Variants in FGGY observed in about 807,000 individuals in gnomAD.
The protein encoded by FGGY is FGGY carbohydrate kinase domain containing.
Under a neutral mutation model 71.3 loss-of-function variants are expected in FGGY, and 72 were observed. The observed-to-expected ratio is 1.01, with a 90% confidence interval of 0.84 to 1.23. FGGY has a LOEUF of 1.23. FGGY is among the 50% of genes most tolerant of loss of function. The probability of loss-of-function intolerance (pLI) is 0.00; values close to 1 mark genes in which losing one functional copy is unlikely to be tolerated. For synonymous variants in FGGY, 251 were observed against 250.3 expected, an observed-to-expected ratio of 1.00 and a Z score of -0.02; for missense variants, 668 against 682.3, an observed-to-expected ratio of 0.98 and a Z score of 0.23.
intron 7 of FGGY, among the ~76,000 whole-genome samples, chr1:59,528,040 A>G (rs1203155202): frequency 6.6e-6 from 1 of 152,140 alleles, no homozygotes; most frequent in Non-Finnish European, 1.5e-5. Context: ...GGGCCTAAAT[A>G]TCTGCACTGT....
intron 8 of FGGY, among the ~76,000 whole-genome samples, chr1:59,606,494 G>T (rs2096624793): frequency 6.6e-6 from 1 of 152,124 alleles, no homozygotes; most frequent in Non-Finnish European, 1.5e-5. Flanking sequence ...AAAGTATTTT[G>T]ACCTTTTTAG....
At chr1:59,321,427 C>A in intron 1 of FGGY, 109 bp from the exon 2 acceptor site, 1 of 911,150 alleles carries the variant, frequency 1.1e-6, no homozygotes, top group Non-Finnish European at 1.7e-6. Context: ...TAACAAATGG[C>A]TACCGGTTAG....
rs1254000133 is a variant in FGGY at position 59,378,780 on chromosome 1, G to C, written c.497G>C (p.Gly166Ala). 1 of 1,613,390 alleles carries C rather than the reference G, an allele frequency of 6.2e-7. No individual in the cohort carries two copies. Among genetic ancestry groups the C allele is most frequent in the African/African-American group, 1.3e-5 (1 of 74,858 alleles). The stretch of plus-strand genomic sequence containing the variant: ...AGAGAGATTTGCTGGGATAAGGCGG[G>C]ACATTTCTTTGATCTCCCGGACTTC... The part of the protein sequence containing the change: ...NLREICWDKA[G>A]HFFDLPDFLS... Residue 166 changes from glycine (G) to alanine (A), a missense_variant, in exon 5 of 16, where the codon GGA becomes GCA. This residue lies in a region of FGGY where 661 missense variants were observed against 661.6 expected (regional missense o/e 1.00). Coordinates refer to ENST00000303721, the MANE Select transcript of FGGY (RefSeq NM_018291.5).
At chr1:59,617,087 T>A (rs866989833) in intron 9 of FGGY, among the ~76,000 whole-genome samples, 47 of 152,174 alleles carry the variant, frequency 3.1e-4, no homozygotes, top group African/African-American at 1.1e-3. Flanking sequence ...GCATCTTTTT[T>A]ATTCCCGCTT....
intron 2 of FGGY, among the ~76,000 whole-genome samples, chr1:59,338,750 T>C (rs2050092390): frequency 6.6e-6 from 1 of 152,208 alleles, no homozygotes. Flanking sequence ...TTTTCACTTT[T>C]AAAATATAGT....
chr1:59,406,952 A>G lies in FGGY; in HGVS notation c.554+28115A>G, dbSNP rs78845110. 7.5e-3 allele frequency among the ~76,000 whole-genome samples: 1,142 copies of G among 152,282 alleles called. 56 individuals carry two copies. The East Asian group carries it at 0.11, about 15-fold the overall frequency. On this transcript the variant is annotated intron_variant, in intron 5 of 15. Coordinates refer to ENST00000303721, the MANE Select transcript of FGGY (RefSeq NM_018291.5). ...CTTTGGGCTGTTTGCACTGAGATCC[A>G]TTTGTCACCCTTGCCCTGCTCTGCA... is the stretch of plus-strand genomic sequence containing the variant.
At chr1:59,536,424 T>C (rs1348051819) in intron 7 of FGGY, among the ~76,000 whole-genome samples, 1 of 152,200 alleles carries the variant, frequency 6.6e-6, no homozygotes, top group Non-Finnish European at 1.5e-5. Context: ...GTACCATTCC[T>C]TCTGAAACTA....
chr1:59,408,278 A>G (rs1204297925), intron 5 of FGGY, among the ~76,000 whole-genome samples: 2 of 152,190 alleles, frequency 1.3e-5, no homozygotes, highest in African/African-American at 4.8e-5. Context: ...TAGGTCTTCT[A>G]TTTGGGACTT....
At chr1:59,467,051 C>T (rs1450963380) in intron 6 of FGGY, among the ~76,000 whole-genome samples, 4 of 152,096 alleles carry the variant, frequency 2.6e-5, no homozygotes, top group Admixed American at 1.3e-4. Flanking sequence ...CACGCGTACA[C>T]GTATTTTTAT....
chr1:59,441,249 T>C (rs2069793158), intron 5 of FGGY, among the ~76,000 whole-genome samples: 1 of 152,202 alleles, frequency 6.6e-6, no homozygotes, highest in South Asian at 2.1e-4. Context: ...TGGGAATCAG[T>C]GCATCTCTCT....
chr1:59,387,678 C>T (rs2153369069), intron 5 of FGGY, among the ~76,000 whole-genome samples: 1 of 152,150 alleles, frequency 6.6e-6, no homozygotes, highest in Non-Finnish European at 1.5e-5. Context: ...TACCTTTTAC[C>T]TACGTTAATC....
intron 14 of FGGY, among the ~76,000 whole-genome samples, chr1:59,703,434 G>A (rs2097726857): frequency 6.6e-6 from 1 of 152,172 alleles, no homozygotes; most frequent in South Asian, 2.1e-4. Context: ...GACATTCCCA[G>A]CATCACACAA....
At position 59,312,625 on chromosome 1, in the gene FGGY, G is replaced by T. The variant is rs114711022; in HGVS notation, c.-14-8911G>T. On this transcript the variant is annotated intron_variant, in intron 1 of 15. Transcript: ENST00000303721. ...GTTTAATTTCTTTAAGGGGATGTTT[G>T]TTGGTGGAGTTTGGGGATGTCATTT... Among the ~76,000 whole-genome samples, 504 of 152,316 alleles carry T rather than the reference G, an allele frequency of 3.3e-3. 4 individuals are homozygous for T. Among genetic ancestry groups the T allele is most frequent in the African/African-American group, 0.011 (466 of 41,574 alleles).
At chr1:59,353,053 A>G (rs1206340456) in intron 4 of FGGY, among the ~76,000 whole-genome samples, 1 of 152,228 alleles carries the variant, frequency 6.6e-6, no homozygotes, top group Non-Finnish European at 1.5e-5. Flanking sequence ...ACACAAATCT[A>G]TACAGAAAAG....
intron 8 of FGGY, among the ~76,000 whole-genome samples, chr1:59,600,787 G>C (rs777419161): frequency 1.3e-5 from 2 of 152,148 alleles, no homozygotes; most frequent in Non-Finnish European, 2.9e-5. Flanking sequence ...GACCTAACCA[G>C]AAATATCCAA....
At chr1:59,431,878 TC>T (rs1380788293) in intron 5 of FGGY, among the ~76,000 whole-genome samples, 2 of 152,202 alleles carry the variant, frequency 1.3e-5, no homozygotes, top group East Asian at 3.8e-4. Flanking sequence ...AGCTTCTAAA[TC>T]CCTTGGGGTT....
intron 4 of FGGY, among the ~76,000 whole-genome samples, chr1:59,371,247 G>A (rs1212695771): frequency 9.9e-5 from 15 of 151,888 alleles, no homozygotes; most frequent in East Asian, 9.7e-4. Context: ...AAAAGGCAGG[G>A]GTTGCAATCC....
intron 5 of FGGY, among the ~76,000 whole-genome samples, chr1:59,391,848 T>C (rs835429): frequency 0.031 from 4,720 of 152,298 alleles, 245 homozygotes; most frequent in African/African-American, 0.11. Flanking sequence ...TTCATTTGCT[T>C]TTTCAATATG....
At chr1:59,675,476 T>C (rs1284270323) in intron 14 of FGGY, among the ~76,000 whole-genome samples, 2 of 152,176 alleles carry the variant, frequency 1.3e-5, no homozygotes, top group African/African-American at 2.4e-5. Context: ...CTACACACTA[T>C]CCAAGCCTCT....
Sources: gnomAD v4.1 joint callset for allele counts (sites outside exome capture counted in the v4.1 genomes callset) on GRCh38, gnomAD v4.1.1 for gene constraint, gnomAD v4.1.1 regional missense constraint, MANE v1.5 for transcripts, NCBI Gene and HGNC (gene_info 2026-07-23, HGNC 2026-07-21) for gene names.